The following FILIP1L variants were observed in gnomAD, a reference collection of about 807,000 sequenced individuals.
FILIP1L encodes filamin A interacting protein 1 like.
A neutral mutation model predicts 96.6 loss-of-function variants in FILIP1L; 55 were observed. The ratio of observed to expected loss-of-function variants is 0.57; its 90% CI spans 0.46 to 0.71. The LOEUF (loss-of-function observed/expected upper bound fraction) is 0.71. Among genes scored for constraint, FILIP1L ranks in the 30% least tolerant of loss-of-function variants. FILIP1L has a pLI of 0.00. For synonymous variants in FILIP1L, 467 were observed against 473.9 expected (o/e 0.99, Z 0.19); for missense variants, 1,304 against 1,321.2 (o/e 0.99, Z 0.20).
intron 1 of FILIP1L, among the ~76,000 whole-genome samples, chr3:100,009,243 A>T (rs1473538756): frequency 6.6e-6 from 1 of 152,220 alleles, no homozygotes; most frequent in African/African-American, 2.4e-5. Flanking sequence ...GGTATTATCA[A>T]GAATATAAGA....
chr3:99,918,466 A>G (rs560328535), intron 4 of FILIP1L, among the ~76,000 whole-genome samples: 2 of 152,318 alleles, frequency 1.3e-5, no homozygotes, highest in African/African-American at 4.8e-5. Flanking sequence ...ACTCACTATC[A>G]TGTATGTTCA....
intron 1 of FILIP1L, among the ~76,000 whole-genome samples, chr3:99,988,254 T>A (rs1020129566): frequency 6.6e-6 from 1 of 150,922 alleles, no homozygotes; most frequent in African/African-American, 2.4e-5. Context: ...TCCCAGCACT[T>A]TGGGAGGCCT....
chr3:100,014,237 A>T (rs1710252443), intron 1 of FILIP1L, among the ~76,000 whole-genome samples: 1 of 151,576 alleles, frequency 6.6e-6, no homozygotes. Flanking sequence ...TTATCCATTC[A>T]TCTGTCAATG....
At chr3:99,983,748 A>C (rs888254716) in intron 1 of FILIP1L, among the ~76,000 whole-genome samples, 3 of 151,258 alleles carry the variant, frequency 2.0e-5, no homozygotes, top group African/African-American at 7.3e-5. Flanking sequence ...TCTGTTTCCA[A>C]CTGTTCAGAC....
chr3:99,845,323 A>T (rs1265844777), intron 5 of FILIP1L, among the ~76,000 whole-genome samples: 1 of 152,204 alleles, frequency 6.6e-6, no homozygotes, highest in Admixed American at 6.5e-5. Flanking sequence ...ATAGGATTCT[A>T]CCTTTTAAAG....
chr3:99,834,566 A>G (rs1296081692), intron 5 of FILIP1L, among the ~76,000 whole-genome samples: 1 of 152,218 alleles, frequency 6.6e-6, no homozygotes, highest in Non-Finnish European at 1.5e-5. Flanking sequence ...GTTAAAATAA[A>G]ATATACTAAC....
intron 1 of FILIP1L, among the ~76,000 whole-genome samples, chr3:100,061,292 C>T (rs1355736362): frequency 6.6e-6 from 1 of 152,232 alleles, no homozygotes; most frequent in Non-Finnish European, 1.5e-5. Context: ...TATCTCTGGA[C>T]AGCCAGATGG....
chr3:100,074,867 T>G (rs2065824821), intron 1 of FILIP1L, among the ~76,000 whole-genome samples: 1 of 151,658 alleles, frequency 6.6e-6, no homozygotes, highest in Non-Finnish European at 1.5e-5. Context: ...CTAATTTTTG[T>G]CTTTTTAATA....
At chr3:100,094,359 A>G (rs539959736) in intron 1 of FILIP1L, among the ~76,000 whole-genome samples, 8 of 152,098 alleles carry the variant, frequency 5.3e-5, no homozygotes, top group Non-Finnish European at 7.4e-5. Flanking sequence ...AGTTTGGTAT[A>G]TTTTCTCCCA....
intron 4 of FILIP1L, among the ~76,000 whole-genome samples, chr3:99,923,109 T>C (rs1707175376): frequency 6.6e-6 from 1 of 152,010 alleles, no homozygotes; most frequent in Non-Finnish European, 1.5e-5. Context: ...TTTTTTAGCT[T>C]CCATTTTCAA....
At position 100,088,163 on chromosome 3, in the gene FILIP1L, G is replaced by T. The variant is rs150594469; in HGVS notation, c.-11+25890C>A. ...TAATTTTTTTAAACTACTTTTGTAG[G>T]TTTTTAAAGTGAAATTTGGGAGCTT... is the stretch of plus-strand genomic sequence containing the variant. On this transcript the variant is annotated intron_variant, in intron 1 of 5. Transcript: ENST00000477258. Among the ~76,000 whole-genome samples, 706 of 152,216 alleles carry T rather than the reference G, an allele frequency of 4.6e-3. 2 individuals carry two copies. The highest frequency in any genetic ancestry group is 7.0e-3 in the South Asian group (34 of 4,824).
At chr3:99,846,769 T>A (rs1943383550) in intron 5 of FILIP1L, among the ~76,000 whole-genome samples, 8 of 152,238 alleles carry the variant, frequency 5.3e-5, no homozygotes, top group Admixed American at 5.2e-4. Context: ...CTTCCTTTTA[T>A]TCTTAAAGAT....
At chr3:100,046,295 C>T (rs538037228) in intron 1 of FILIP1L, among the ~76,000 whole-genome samples, 3 of 152,242 alleles carry the variant, frequency 2.0e-5, no homozygotes, top group Non-Finnish European at 2.9e-5. Context: ...TAGTCCACTC[C>T]TCCTTATGCC....
chr3:100,101,626 T>A (rs185310232), intron 1 of FILIP1L, among the ~76,000 whole-genome samples: 90 of 152,306 alleles, frequency 5.9e-4, no homozygotes, highest in African/African-American at 2.1e-3. Flanking sequence ...TTGTTTTTGT[T>A]TTTTTAATTA....
chr3:99,969,175 A>T (rs1704972330), intron 1 of FILIP1L, among the ~76,000 whole-genome samples: 1 of 152,180 alleles, frequency 6.6e-6, no homozygotes, highest in Admixed American at 6.5e-5. Flanking sequence ...TCATTGAAAG[A>T]AAGTGCACAA....
intron 1 of FILIP1L, 98 bp from the exon 2 acceptor site, chr3:99,931,128 T>A: frequency 3.1e-6 from 3 of 981,012 alleles, no homozygotes; most frequent in Non-Finnish European, 4.6e-6. Context: ...TTGTTATATT[T>A]ACCACAGCCC....
chr3:99,974,709 AAAC>A (rs371476675), intron 1 of FILIP1L, among the ~76,000 whole-genome samples: 320 of 152,008 alleles, frequency 2.1e-3, no homozygotes, highest in African/African-American at 7.1e-3. Context: ...CTCCATCTCA[AAAC>A]AACAACAACA....
At chr3:99,859,403 G>A (rs1345525769) in intron 4 of FILIP1L, among the ~76,000 whole-genome samples, 2 of 152,236 alleles carry the variant, frequency 1.3e-5, no homozygotes, top group Admixed American at 1.3e-4. Context: ...TTGAAACAGT[G>A]TAACAGTCAC....
At chr3:100,075,215 C>A (rs1053086095) in intron 1 of FILIP1L, among the ~76,000 whole-genome samples, 9 of 152,148 alleles carry the variant, frequency 5.9e-5, no homozygotes, top group African/African-American at 1.9e-4. Context: ...TCAGCTTTTG[C>A]TAAAAGAAGA....
Sources: allele counts gnomAD v4.1 joint callset (sites outside exome capture counted in the v4.1 genomes callset), GRCh38; gene constraint gnomAD v4.1.1; transcripts MANE v1.5; gene names NCBI Gene and HGNC (gene_info 2026-07-23, HGNC 2026-07-21).